RBFOX1: variants seen among roughly 807,000 people sequenced by gnomAD.
The protein encoded by RBFOX1 is RNA binding fox-1 homolog 1.
RBFOX1 carries 8 observed loss-of-function variants against 57.7 expected under a neutral mutation model. The observed-to-expected ratio is 0.14, with a 90% CI of 0.08 to 0.25. RBFOX1 has a LOEUF of 0.25. Among genes scored for constraint, RBFOX1 ranks in the 10% least tolerant of loss-of-function variants. The pLI, the probability that RBFOX1 is intolerant of heterozygous loss-of-function variation, is 1.00. For missense variants in RBFOX1, 611 were observed against 548.5 expected (o/e 1.11, Z -1.14); for synonymous variants, 326 against 222.4 (o/e 1.47, Z -4.15).
rs531416165 is a variant in RBFOX1 at position 7,680,391 on chromosome 16, A to G, written c.995+3553A>G. On this transcript the variant is annotated intron_variant, in intron 14 of 15. Coordinates refer to ENST00000550418, the MANE Select transcript of RBFOX1 (RefSeq NM_018723.4). ...CTCCCCAGACAGACAGACATTTGTC[A>G]TGCTTGTCCTGCTTGCTAACACTCT... Among the ~76,000 whole-genome samples, 44 of 152,306 alleles carry G rather than the reference A, an allele frequency of 2.9e-4. No individual in the cohort carries two copies. In the South Asian group the frequency reaches 9.1e-3, roughly 32 times the overall value.
intron 7 of RBFOX1, among the ~76,000 whole-genome samples, chr16:7,594,976 C>T (rs1338376234): frequency 6.6e-6 from 1 of 151,956 alleles, no homozygotes; most frequent in Non-Finnish European, 1.5e-5. Flanking sequence ...AAGGTCTTTC[C>T]TTTTTTAGGC....
intron 2 of RBFOX1, among the ~76,000 whole-genome samples, chr16:6,647,136 CT>C: frequency 6.6e-6 from 1 of 152,218 alleles, no homozygotes; most frequent in East Asian, 1.9e-4. Context: ...GTCATTCTCA[CT>C]GGGTCCTCAT....
intron 3 of RBFOX1, among the ~76,000 whole-genome samples, chr16:6,702,490 G>T (rs917811473): frequency 2.0e-5 from 3 of 152,092 alleles, no homozygotes; most frequent in East Asian, 1.9e-4. Context: ...GGAGGCAGAG[G>T]CTACAGTGAG....
intron 3 of RBFOX1, among the ~76,000 whole-genome samples, chr16:6,817,611 C>T (rs1289948686): frequency 6.7e-6 from 1 of 149,898 alleles, no homozygotes; most frequent in East Asian, 2.0e-4. Flanking sequence ...GAGGCTGAGG[C>T]AAGAGAATCA....
chr16:6,103,012 C>T (rs927335520), intron 1 of RBFOX1, among the ~76,000 whole-genome samples: 3 of 152,162 alleles, frequency 2.0e-5, no homozygotes, highest in Non-Finnish European at 4.4e-5. Context: ...TAATTGTGAG[C>T]AACCACAGTG....
intron 2 of RBFOX1, among the ~76,000 whole-genome samples, chr16:5,575,247 A>G (rs1180654492): frequency 2.0e-5 from 3 of 152,216 alleles, no homozygotes; most frequent in African/African-American, 7.2e-5. Flanking sequence ...GTATTAAGGA[A>G]TGGATGAAGT....
In RBFOX1 at chr16:6,977,781, A is replaced by G. The variant is rs193071867; in HGVS notation, c.-15-74276A>G. 5.8e-3 allele frequency among the ~76,000 whole-genome samples: 880 copies of G among 152,148 alleles called. 9 individuals are homozygous for G. Among genetic ancestry groups the G allele is most frequent in the Middle Eastern group, 0.034 (10 of 294 alleles). On this transcript the variant is annotated intron_variant, in intron 3 of 15. Transcript: ENST00000550418. The stretch of plus-strand genomic sequence containing the variant: ...GAAGAAAAGAAAGAAAAAGAAAGTC[A>G]TCTTATCCCGTAGTCAGTGTGGATT...
chr16:6,402,494 T>A (rs1166808108), intron 2 of RBFOX1, among the ~76,000 whole-genome samples: 1 of 152,230 alleles, frequency 6.6e-6, no homozygotes, highest in Non-Finnish European at 1.5e-5. Context: ...TGAAGGGTGG[T>A]TGAAGTAATA....
intron 4 of RBFOX1, among the ~76,000 whole-genome samples, chr16:7,451,532 G>T (rs1055084630): frequency 6.6e-6 from 1 of 152,020 alleles, no homozygotes; most frequent in African/African-American, 2.4e-5. Flanking sequence ...AGTGGTGGAG[G>T]AGATCTCAAC....
At chr16:6,824,309 G>T (rs376644824) in intron 3 of RBFOX1, among the ~76,000 whole-genome samples, 2 of 152,122 alleles carry the variant, frequency 1.3e-5, no homozygotes, top group African/African-American at 4.8e-5. Flanking sequence ...TGGAGGCTGC[G>T]GTAGGAGAGT....
At chr16:7,039,288 T>C (rs2045450620) in intron 3 of RBFOX1, among the ~76,000 whole-genome samples, 1 of 152,190 alleles carries the variant, frequency 6.6e-6, no homozygotes, top group African/African-American at 2.4e-5. Flanking sequence ...CTTGACAAGC[T>C]CTTTCGTCCG....
At chr16:6,631,660 A>G (rs1041747697) in intron 2 of RBFOX1, among the ~76,000 whole-genome samples, 1 of 152,172 alleles carries the variant, frequency 6.6e-6, no homozygotes, top group African/African-American at 2.4e-5. Flanking sequence ...CAATGCAAAT[A>G]ATGGTACGTG....
chr16:6,341,167 C>G (rs1377124230), intron 2 of RBFOX1, among the ~76,000 whole-genome samples: 1 of 152,176 alleles, frequency 6.6e-6, no homozygotes, highest in Admixed American at 6.5e-5. Flanking sequence ...GAGCTAAAAT[C>G]AAGGTGTCAA....
chr16:7,240,975 A>T (rs955162954), intron 4 of RBFOX1, among the ~76,000 whole-genome samples: 3 of 152,156 alleles, frequency 2.0e-5, no homozygotes, highest in Non-Finnish European at 2.9e-5. Flanking sequence ...CTTTTCCCCC[A>T]CACCTTCCCA....
chr16:5,612,212 C>CTGAT (rs1555482262), intron 3 of RBFOX1, among the ~76,000 whole-genome samples: 4 of 143,922 alleles, frequency 2.8e-5, no homozygotes, highest in Non-Finnish European at 6.0e-5. Flanking sequence ...CCCCTCCACT[C>CTGAT]TCATTCATTC....
intron 2 of RBFOX1, among the ~76,000 whole-genome samples, chr16:6,406,021 A>C (rs138203672): frequency 1.3e-5 from 2 of 152,366 alleles, no homozygotes; most frequent in African/African-American, 4.8e-5. Flanking sequence ...TTAAGGACTC[A>C]GAACTTGTCT....
At chr16:7,688,007 A>T (rs1190824957) in intron 14 of RBFOX1, among the ~76,000 whole-genome samples, 2 of 152,052 alleles carry the variant, frequency 1.3e-5, no homozygotes, top group Non-Finnish European at 2.9e-5. Context: ...TTAAAAAACA[A>T]TCCTAGCTGA....
intron 2 of RBFOX1, among the ~76,000 whole-genome samples, chr16:5,537,520 G>C (rs1207154845): frequency 6.6e-6 from 1 of 152,190 alleles, no homozygotes; most frequent in African/African-American, 2.4e-5. Flanking sequence ...CTGGAGGGGG[G>C]AATCTGTTTC....
chr16:7,321,838 A>T (rs912805903), intron 4 of RBFOX1, among the ~76,000 whole-genome samples: 5 of 152,116 alleles, frequency 3.3e-5, no homozygotes, highest in African/African-American at 1.2e-4. Flanking sequence ...GGAGTTGAAA[A>T]TCCCACCTGT....
Sources: allele counts gnomAD v4.1 joint callset (sites outside exome capture counted in the v4.1 genomes callset), GRCh38; gene constraint gnomAD v4.1.1; transcripts MANE v1.5; gene names NCBI Gene and HGNC (gene_info 2026-07-23, HGNC 2026-07-21).